TSPEAR: variants seen among roughly 807,000 people sequenced by gnomAD.
TSPEAR encodes thrombospondin type laminin G domain and EAR repeats, also known as thrombospondin-type laminin G domain and EAR repeat-containing protein.
In TSPEAR, 69 loss-of-function variants were observed where a neutral mutation model predicts 71.6. That is an observed-to-expected ratio of 0.96 (90% CI 0.79 to 1.18). The LOEUF (loss-of-function observed/expected upper bound fraction) is 1.18. Ranked by LOEUF, TSPEAR falls within the 50% of genes most tolerant of loss-of-function variation. The pLI, the probability that TSPEAR is intolerant of heterozygous loss-of-function variation, is 0.00. For missense variants in TSPEAR, 971 were observed against 894.9 expected (o/e 1.09, Z -1.09); for synonymous variants, 402 against 387.2 (o/e 1.04, Z -0.45).
intron 2 of TSPEAR, among the ~76,000 whole-genome samples, chr21:44,556,524 T>G (rs2053532440): frequency 1.3e-5 from 2 of 151,852 alleles, no homozygotes; most frequent in Admixed American, 6.6e-5. Flanking sequence ...AACCCCGTCT[T>G]TACTAAAAAT....
rs781898287 is a variant in TSPEAR, at chr21:44,612,752, C to T, written c.83-44747G>A. 53 of 1,613,464 alleles carry T rather than the reference C, an allele frequency of 3.3e-5. No homozygotes were observed. Among genetic ancestry groups the T allele is most frequent in the African/African-American group, 1.5e-4 (11 of 74,810 alleles). ...GTCCCTCCTCTGCCGCCCTGTGTGC[C>T]GGCCTGCCTGCTGTGTGCCTGTCCC... is the stretch of plus-strand genomic sequence containing the variant. On this transcript the variant is annotated intron_variant, in intron 1 of 11. Coordinates refer to ENST00000323084, the MANE Select transcript of TSPEAR (RefSeq NM_144991.3). The surrounding 1 kb of genome is among the most constrained non-coding windows in gnomAD (Gnocchi z 4.1).
chr21:44,655,371 C>T (rs1197028079), intron 1 of TSPEAR, among the ~76,000 whole-genome samples: 1 of 152,214 alleles, frequency 6.6e-6, no homozygotes, highest in Non-Finnish European at 1.5e-5. Flanking sequence ...CCTGAACCAG[C>T]TCGGACAGAG....
intron 1 of TSPEAR, among the ~76,000 whole-genome samples, chr21:44,582,510 AG>A (rs1212993450): frequency 2.0e-5 from 3 of 152,230 alleles, no homozygotes; most frequent in African/African-American, 7.2e-5. Context: ...TATCTCTGGC[AG>A]CCTCCTTAAT....
chr21:44,527,305 G>C lies in TSPEAR; in HGVS notation c.1136C>G (p.Thr379Ser). The C allele has an allele frequency of 6.2e-7, 1 of 1,614,172 alleles. No individual in the cohort carries two copies. The highest frequency in any genetic ancestry group is 8.5e-7 in the Non-Finnish European group (1 of 1,180,030). Residue 379 changes from threonine to serine, a missense_variant, in exon 7 of 12, where the codon ACC (threonine) becomes AGC (serine). Coordinates refer to ENST00000323084, the MANE Select transcript of TSPEAR (RefSeq NM_144991.3). Reference sequence around the variant, plus strand: ...ACACAGACTTGCCTTTTTCCCGATGGTGAAATGCCTCCAGGCCTGTGCTTG... The same window carrying C: ...ACACAGACTTGCCTTTTTCCCGATGCTGAAATGCCTCCAGGCCTGTGCTTG... ...THQAQAWRHF[T>S]IGKKIFLAVA...
At chr21:44,691,680 A>G (rs1420597460) in intron 1 of TSPEAR, among the ~76,000 whole-genome samples, 2 of 152,252 alleles carry the variant, frequency 1.3e-5, no homozygotes, top group Admixed American at 1.3e-4. Flanking sequence ...TCAGAAGGTC[A>G]ATAGGAAATA....
intron 1 of TSPEAR, among the ~76,000 whole-genome samples, chr21:44,590,605 T>G (rs587775658): frequency 6.6e-6 from 1 of 152,160 alleles, no homozygotes; most frequent in Non-Finnish European, 1.5e-5. Context: ...CATGTCTTAC[T>G]GTGGAGGAGA....
chr21:44,580,709 T>C, intron 1 of TSPEAR: 2 of 998,814 alleles, frequency 2.0e-6, no homozygotes, highest in Non-Finnish European at 3.0e-6. Flanking sequence ...CCCTGGCGTG[T>C]GTTGTCCCGA....
chr21:44,585,373 C>T (rs1979273346), intron 1 of TSPEAR, among the ~76,000 whole-genome samples: 2 of 152,224 alleles, frequency 1.3e-5, no homozygotes, highest in Non-Finnish European at 2.9e-5. Flanking sequence ...CACCAGACCC[C>T]TCCCTAGTCA....
At chr21:44,649,002 G>A (rs9978810) in intron 1 of TSPEAR, among the ~76,000 whole-genome samples, 3,058 of 152,328 alleles carry the variant, frequency 0.02, 106 homozygotes, top group African/African-American at 0.069. Context: ...CCCAGGTCCC[G>A]GGGTGCCCCT....
chr21:44,627,384 C>T (rs781828230), intron 1 of TSPEAR: 3 of 1,613,924 alleles, frequency 1.9e-6, no homozygotes, highest in African/African-American at 1.3e-5. Flanking sequence ...AATCAGGCTG[C>T]ACCAGCTCCT....
At chr21:44,627,951 C>T (rs782573497) in intron 1 of TSPEAR, 1 of 1,518,094 alleles carries the variant, frequency 6.6e-7, no homozygotes, top group South Asian at 1.2e-5. Context: ...GCCAGCCCAG[C>T]TATTGCCGCC....
At chr21:44,592,073 G>A (rs1428571929) in intron 1 of TSPEAR, 1 of 1,522,200 alleles carries the variant, frequency 6.6e-7, no homozygotes, top group African/African-American at 1.5e-5. Flanking sequence ...CAGCTAGACT[G>A]CTGGCAGCAT....
At position 44,529,654 on chromosome 21, in the gene TSPEAR, A is replaced by G. The variant is rs912042579; in HGVS notation, c.790+144T>C. ...TGGGCCCCGAGTATCCCCCTGGCCA[A>G]TATGACCGCTGCCCCCCGTAGCAGT... is the stretch of plus-strand genomic sequence containing the variant. On this transcript the variant is annotated intron_variant, in intron 5 of 11. Transcript: ENST00000323084. 4.7e-5 allele frequency: 43 copies of G among 923,522 alleles called. No homozygotes were observed. In the Admixed American group the frequency reaches 8.3e-4, roughly 18 times the overall value. The allele number at this position is 923,522 out of a possible 1,614,324, so 57.2% of individuals were successfully genotyped here. A position where few individuals can be genotyped will look rare whatever the true frequency, so the allele number is the denominator to read the frequency against.
rs149801005 is a variant in TSPEAR, at chr21:44,539,566, C to T, written c.304-5643G>A. ...AGCAGACGGGCACACAGCAGATGGGCTTGCAGCAGACAGGCTTGCAACGGA... is the reference window on the plus strand; with the variant it reads ...AGCAGACGGGCACACAGCAGATGGGTTTGCAGCAGACAGGCTTGCAACGGA... On this transcript the variant is annotated intron_variant, in intron 2 of 11. Transcript: ENST00000323084. The T allele has an allele frequency of 2.5e-3, 4,027 of 1,613,610 alleles. 37 individuals carry two copies. The Middle Eastern group carries it at 0.027, about 11-fold the overall frequency.
At chr21:44,589,494 A>G (rs1427400250) in intron 1 of TSPEAR, among the ~76,000 whole-genome samples, 1 of 152,214 alleles carries the variant, frequency 6.6e-6, no homozygotes, top group Non-Finnish European at 1.5e-5. Flanking sequence ...CATTCCTCTG[A>G]GGTAGATGCC....
intron 2 of TSPEAR, among the ~76,000 whole-genome samples, chr21:44,534,351 G>A (rs1310660743): frequency 2.1e-5 from 2 of 93,420 alleles, no homozygotes; most frequent in Admixed American, 1.0e-4. Flanking sequence ...GGTGTGGGGC[G>A]GGGCTGGTGT....
At chr21:44,617,329 C>T (rs1368133980) in intron 1 of TSPEAR, among the ~76,000 whole-genome samples, 4 of 152,242 alleles carry the variant, frequency 2.6e-5, no homozygotes, top group South Asian at 2.1e-4. Flanking sequence ...TGCTCAGGGG[C>T]GCCCTCTGCT....
intron 1 of TSPEAR, among the ~76,000 whole-genome samples, chr21:44,657,172 C>T (rs1985199464): frequency 6.6e-6 from 1 of 152,158 alleles, no homozygotes; most frequent in Non-Finnish European, 1.5e-5. Context: ...AACCCATTTT[C>T]CCCAGCACTC....
chr21:44,519,461 C>G (rs2052687589), intron 9 of TSPEAR: 1 of 152,416 alleles, frequency 6.6e-6, no homozygotes, highest in Admixed American at 6.5e-5. Context: ...AGCCTCAAGT[C>G]CAACTCCAGG....
Sources: gnomAD v4.1 joint callset for allele counts (sites outside exome capture counted in the v4.1 genomes callset) on GRCh38, gnomAD v4.1.1 for gene constraint, Gnocchi (gnomAD v3.1) non-coding constraint, MANE v1.5 for transcripts, NCBI Gene and HGNC (gene_info 2026-07-23, HGNC 2026-07-21) for gene names.